The following TBC1D15 variants were observed in gnomAD, a reference collection of about 807,000 sequenced individuals.
TBC1D15 encodes the protein GAP for RAB7.
In TBC1D15, 39 loss-of-function variants were observed where a neutral mutation model predicts 95.4. The observed-to-expected ratio is 0.41, with a 90% CI of 0.32 to 0.53. The LOEUF is 0.53. Ranked by LOEUF, TBC1D15 falls within the 20% of genes least tolerant of loss-of-function variation. The pLI is 0.29. For synonymous variants in TBC1D15, 258 were observed against 261.3 expected, an observed-to-expected ratio of 0.99 and a Z score of 0.12; for missense variants, 733 against 794.3, an observed-to-expected ratio of 0.92 and a Z score of 0.93.
intron 8 of TBC1D15, 55 bp from the exon 9 acceptor site, chr12:71,896,622 C>A: frequency 1.4e-6 from 2 of 1,459,898 alleles, no homozygotes; most frequent in South Asian, 2.5e-5. Flanking sequence ...GTTTTGTGAA[C>A]TTACAGTATT....
At chr12:71,849,174 AAAAAC>A (rs1270397788) in intron 1 of TBC1D15, 1 of 282,836 alleles carries the variant, frequency 3.5e-6, no homozygotes, top group Non-Finnish European at 6.5e-6. Flanking sequence ...AAAAAAAAAA[AAAAAC>A]AAAAAAAAAA....
chr12:71,849,288 G>A, intron 1 of TBC1D15: 7 of 864,578 alleles, frequency 8.1e-6, no homozygotes, highest in Non-Finnish European at 1.3e-5. Context: ...TTTGTTCCAC[G>A]CTTCTATCTG....
At chr12:71,874,184 C>T (rs58184114) in intron 3 of TBC1D15, among the ~76,000 whole-genome samples, 4 of 152,134 alleles carry the variant, frequency 2.6e-5, no homozygotes, top group Admixed American at 6.5e-5. Flanking sequence ...GCAAACACCG[C>T]AATTACTTTT....
intron 1 of TBC1D15, among the ~76,000 whole-genome samples, chr12:71,840,809 A>G (rs1261711257): frequency 6.6e-6 from 1 of 152,226 alleles, no homozygotes; most frequent in African/African-American, 2.4e-5. Flanking sequence ...GTATTAGACT[A>G]GGCGGCTGAA....
chr12:71,860,362 A>G (rs1256438282), intron 1 of TBC1D15, among the ~76,000 whole-genome samples: 2 of 152,218 alleles, frequency 1.3e-5, no homozygotes, highest in Non-Finnish European at 2.9e-5. Flanking sequence ...CATTTTCACA[A>G]TATTAATTCT....
chr12:71,855,046 G>A (rs767304342), intron 1 of TBC1D15, among the ~76,000 whole-genome samples: 11 of 152,114 alleles, frequency 7.2e-5, no homozygotes, highest in Admixed American at 3.9e-4. Flanking sequence ...TCACGGTTTC[G>A]CATGGCTGGG....
intron 1 of TBC1D15, among the ~76,000 whole-genome samples, chr12:71,869,747 A>G (rs1419237965): frequency 1.3e-5 from 2 of 152,012 alleles, no homozygotes; most frequent in Non-Finnish European, 2.9e-5. Context: ...TCCATTTTTC[A>G]TATCTTTTTT....
chr12:71,908,567 T>C (rs187652555), intron 11 of TBC1D15, among the ~76,000 whole-genome samples: 5 of 152,340 alleles, frequency 3.3e-5, no homozygotes, highest in African/African-American at 1.2e-4. Flanking sequence ...GGGGAAGATA[T>C]AATCTCTGTT....
intron 14 of TBC1D15, among the ~76,000 whole-genome samples, chr12:71,920,228 A>G (rs1384828252): frequency 1.3e-5 from 2 of 152,176 alleles, no homozygotes; most frequent in African/African-American, 2.4e-5. Flanking sequence ...TATTGTCACA[A>G]TCAGGGATAA....
intron 15 of TBC1D15, 68 bp downstream of exon 15, chr12:71,920,915 C>G (rs1368287817): frequency 1.8e-6 from 2 of 1,103,074 alleles, no homozygotes; most frequent in East Asian, 4.8e-5. Context: ...ATATACAGAA[C>G]GTTTCCTTGG....
At chr12:71,846,469 A>G (rs529320621) in intron 1 of TBC1D15, among the ~76,000 whole-genome samples, 2 of 152,288 alleles carry the variant, frequency 1.3e-5, no homozygotes, top group South Asian at 4.1e-4. Flanking sequence ...TCTGTTCTTT[A>G]TGATGTCTGG....
Position 71,839,808 on chromosome 12 carries a change from G to T in TBC1D15, c.27G>T (p.Gly9=), listed in dbSNP as rs768829046. The part of the protein sequence containing the change: MAAAGVVS[G]KIIYEQEGVY... ...TGGCGGCGGCGGGTGTTGTGAGCGG[G>T]AAGGTAGGTAACGGCCTCCAGGAAG... Residue 9 remains glycine, a synonymous_variant, in exon 1 of 17, where the codon GGG becomes GGT. Coordinates refer to ENST00000485960, the MANE Select transcript of TBC1D15 (RefSeq NM_001146213.3). 6.2e-7 allele frequency: 1 copy of T among 1,614,198 alleles called. No individual in the cohort carries two copies. Among genetic ancestry groups the T allele is most frequent in the Admixed American group, 1.7e-5 (1 of 60,038 alleles).
intron 1 of TBC1D15, among the ~76,000 whole-genome samples, chr12:71,847,498 C>G (rs1053962637): frequency 6.6e-6 from 1 of 151,328 alleles, no homozygotes; most frequent in African/African-American, 2.4e-5. Context: ...AGTTCGAGAC[C>G]AGCCTGACCA....
chr12:71,872,246 G>T, intron 2 of TBC1D15, 78 bp downstream of exon 2: 1 of 781,172 alleles, frequency 1.3e-6, no homozygotes, highest in South Asian at 2.6e-5. Flanking sequence ...CAGAAAGTTT[G>T]AATTTCATGT....
At chr12:71,841,259 G>T (rs933015136) in intron 1 of TBC1D15, 1 of 152,174 alleles carries the variant, frequency 6.6e-6, no homozygotes, top group Non-Finnish European at 1.5e-5. Context: ...AAGAATCCTT[G>T]AGGCAATGAA....
chr12:71,877,700 C>G (rs1406876737), intron 3 of TBC1D15, among the ~76,000 whole-genome samples: 3 of 151,774 alleles, frequency 2.0e-5, no homozygotes, highest in African/African-American at 4.8e-5. Flanking sequence ...CCTCGTGTCC[C>G]CTTTTAAAGG....
intron 1 of TBC1D15, among the ~76,000 whole-genome samples, chr12:71,858,448 T>C (rs892847125): frequency 1.3e-5 from 2 of 151,814 alleles, no homozygotes; most frequent in African/African-American, 4.8e-5. Flanking sequence ...TGAATAGTGC[T>C]GCAGTAAACT....
intron 1 of TBC1D15, chr12:71,850,514 G>T (rs1376688699): frequency 6.1e-6 from 1 of 163,992 alleles, no homozygotes; most frequent in African/African-American, 2.4e-5. Flanking sequence ...CTGGGCTCAA[G>T]TGATCCTTCC....
chr12:71,873,516 A>G (rs1255353536), intron 3 of TBC1D15, among the ~76,000 whole-genome samples: 2 of 152,172 alleles, frequency 1.3e-5, no homozygotes, highest in Non-Finnish European at 1.5e-5. Flanking sequence ...GCTAATATAT[A>G]TAATGCTGCT....
Sources: allele counts gnomAD v4.1 joint callset (sites outside exome capture counted in the v4.1 genomes callset), GRCh38; gene constraint gnomAD v4.1.1; transcripts MANE v1.5; gene names NCBI Gene and HGNC (gene_info 2026-07-23, HGNC 2026-07-21).